COBLL1: variants seen among roughly 807,000 people sequenced by gnomAD.
The protein encoded by COBLL1 is cordon-bleu protein-like 1.
Under a neutral mutation model 94.8 loss-of-function variants are expected in COBLL1, and 50 were observed. That is an observed-to-expected ratio of 0.53 (90% CI 0.42 to 0.67). COBLL1 has a LOEUF of 0.67. COBLL1 is among the 30% of genes least tolerant of loss of function. COBLL1 has a pLI of 0.00. For synonymous variants in COBLL1, 448 were observed against 473.8 expected (o/e 0.95, Z 0.71); for missense variants, 1,362 against 1,348.7 (o/e 1.01, Z -0.15).
chr2:164,721,107 T>C (rs902764874), intron 7 of COBLL1, among the ~76,000 whole-genome samples: 1 of 152,242 alleles, frequency 6.6e-6, no homozygotes, highest in Non-Finnish European at 1.5e-5. Context: ...ATGGTTAATT[T>C]TTTTTAAGTA....
chr2:164,676,022 TATAA>T (rs1000358916), downstream of COBLL1, among the ~76,000 whole-genome samples: 11 of 152,216 alleles, frequency 7.2e-5, no homozygotes, highest in Admixed American at 1.3e-4. Flanking sequence ...AAAATAATTG[TATAA>T]ATAGAGTACA....
chr2:164,731,102 G>A (rs577638845), intron 3 of COBLL1, among the ~76,000 whole-genome samples: 134 of 152,228 alleles, frequency 8.8e-4, no homozygotes, highest in Non-Finnish European at 1.3e-3. Context: ...AGTCATGCCC[G>A]TTTGTTTATA....
intron 2 of COBLL1, among the ~76,000 whole-genome samples, chr2:164,826,729 C>A (rs1685444275): frequency 6.6e-6 from 1 of 152,166 alleles, no homozygotes; most frequent in Non-Finnish European, 1.5e-5. Flanking sequence ...GAAACCAAAA[C>A]TAATGCTGTT....
intron 9 of COBLL1, chr2:164,703,366 A>T: frequency 1.7e-6 from 1 of 596,630 alleles, no homozygotes; most frequent in Non-Finnish European, 3.0e-6. Context: ...GGAAAAAAAC[A>T]AATGAAGAAA....
chr2:164,735,825 T>C (rs1299076861), intron 3 of COBLL1, among the ~76,000 whole-genome samples: 2 of 152,214 alleles, frequency 1.3e-5, no homozygotes, highest in Non-Finnish European at 2.9e-5. Flanking sequence ...AAAAGATGCC[T>C]GTCTTCCTGT....
chr2:164,765,260 T>A (rs1045900293), intron 2 of COBLL1, among the ~76,000 whole-genome samples: 3 of 152,326 alleles, frequency 2.0e-5, no homozygotes, highest in African/African-American at 7.2e-5. Flanking sequence ...ACATTTAATA[T>A]GACTCTAACC....
At chr2:164,752,299 C>A (rs12470606) in intron 2 of COBLL1, among the ~76,000 whole-genome samples, 2,102 of 152,214 alleles carry the variant, frequency 0.014, 28 homozygotes, top group East Asian at 0.069. Context: ...AGGAACTTGC[C>A]TAAGGTTCCT....
At chr2:164,732,517 G>A (rs919155688) in intron 3 of COBLL1, among the ~76,000 whole-genome samples, 4 of 152,278 alleles carry the variant, frequency 2.6e-5, no homozygotes, top group Non-Finnish European at 5.9e-5. Context: ...ATTAGGTAAT[G>A]TCTAGTTATA....
chr2:164,729,306 G>T (rs920021475), intron 4 of COBLL1, among the ~76,000 whole-genome samples: 1 of 151,594 alleles, frequency 6.6e-6, no homozygotes, highest in Non-Finnish European at 1.5e-5. Context: ...TGTTCATAAT[G>T]AGAGTATTTC....
In COBLL1 at chr2:164,841,365, C is replaced by G. The variant is rs1683604592; in HGVS notation, c.-50-119G>C. The G allele has an allele frequency of 8.4e-7, 1 of 1,187,162 alleles. No individual in the cohort carries two copies. Among genetic ancestry groups the G allele is most frequent in the South Asian group, 4.3e-5 (1 of 23,394 alleles). The allele number at this position is 1,187,162 out of a possible 1,614,324, so 73.5% of individuals were successfully genotyped here. ...CTCCAGCCCCGGCCGGCCCGCCTCC[C>G]GGGTGCGCTTCCACCTGCGGGCCCC... is the stretch of plus-strand genomic sequence containing the variant. On this transcript the variant is annotated intron_variant, in intron 1 of 13. Transcript: ENST00000652658. The surrounding 1 kb of genome is among the most constrained non-coding windows in gnomAD (Gnocchi z 5.5).
chr2:164,708,659 T>C (rs1180283792), intron 7 of COBLL1, among the ~76,000 whole-genome samples: 1 of 152,180 alleles, frequency 6.6e-6, no homozygotes, highest in Admixed American at 6.5e-5. Context: ...CAGTAGAAGA[T>C]GTGATTTTAT....
At position 164,695,132 on chromosome 2, in the gene COBLL1, C is replaced by T; in HGVS notation, c.2260G>A (p.Glu754Lys). The T allele has an allele frequency of 7.4e-6, 12 of 1,613,894 alleles. No individual in the cohort carries two copies. The highest frequency in any genetic ancestry group is 1.0e-5 in the Non-Finnish European group (12 of 1,179,934). The part of the protein sequence containing the change: ...ISKDWQSETI[E>K]YKDDQDMHAL... ...TGCATGTCCTGATCATCTTTATACTCTATGGTTTCTGATTGCCAGTCTTTC... is the reference window on the plus strand; with the variant it reads ...TGCATGTCCTGATCATCTTTATACTTTATGGTTTCTGATTGCCAGTCTTTC... The change falls in exon 12 of 14, where the codon GAG (glutamate) becomes AAG (lysine). Residue 754 changes from glutamate (E) to lysine (K), a missense_variant. By Grantham distance (56) the Glu-to-Lys change is moderately conservative. Transcript: ENST00000652658.
chr2:164,821,417 G>A (rs1435043379), intron 2 of COBLL1, among the ~76,000 whole-genome samples: 1 of 152,160 alleles, frequency 6.6e-6, no homozygotes, highest in Non-Finnish European at 1.5e-5. Context: ...CTTACACATT[G>A]TTTATAATGT....
rs981809456 is a variant in COBLL1, at chr2:164,681,700, T to C, written c.*4246A>G. On this transcript the variant is annotated 3_prime_UTR_variant, in exon 14 of 14. Transcript: ENST00000652658. ...ACTGGGGAGCAAAAAAGTTGCTTCTTTTTGAAAACTATACATTTGTTTGCA... is the reference window on the plus strand; with the variant it reads ...ACTGGGGAGCAAAAAAGTTGCTTCTCTTTGAAAACTATACATTTGTTTGCA... The C allele has an allele frequency of 2.0e-5, 3 of 152,204 alleles. No individual in the cohort carries two copies. Among genetic ancestry groups the C allele is most frequent in the African/African-American group, 7.2e-5 (3 of 41,456 alleles). The allele number at this position is 152,204 out of a possible 1,614,324, so 9.4% of individuals were successfully genotyped here.
intron 4 of COBLL1, among the ~76,000 whole-genome samples, chr2:164,728,481 C>A (rs2105515783): frequency 6.6e-6 from 1 of 152,106 alleles, no homozygotes; most frequent in Non-Finnish European, 1.5e-5. Flanking sequence ...TAGTACTACT[C>A]ATGTTTTCAC....
rs1686723135 is a variant in COBLL1, at chr2:164,743,849, A to G, written c.68T>C (p.Leu23Pro). The G allele has an allele frequency of 1.3e-6, 2 of 1,567,706 alleles. No individual in the cohort carries two copies. The highest frequency in any genetic ancestry group is 4.6e-5 in the East Asian group (2 of 43,738). Residue 23 changes from leucine to proline, a missense_variant, in exon 3 of 14, where the codon CTT (leucine) becomes CCT (proline). Coordinates refer to ENST00000652658, the MANE Select transcript of COBLL1 (RefSeq NM_001365672.2). ...ARRKPKAKAP[L>P]PPAETKYTDV... ...AGTATATTTGGTCTCAGCTGGAGGA[A>G]GTGGTGCCTTGGCTTTTGGTTTTCT... is the stretch of plus-strand genomic sequence containing the variant.
chr2:164,668,147 A>G (rs193112233), intron 1 of COBLL1, among the ~76,000 whole-genome samples: 2 of 152,132 alleles, frequency 1.3e-5, no homozygotes, highest in East Asian at 3.9e-4. Context: ...TATTTTTTGT[A>G]GAGGTGGGGT....
Position 164,841,183 on chromosome 2 carries a change from G to A in COBLL1, c.14C>T (p.Thr5Ile), listed in dbSNP as rs902198595. ...GGCTGGGGCGTCCTGCGGGCGCGGG[G>A]TTCGGCCGTCCATCGCCCTGCGGGG... Reference protein sequence around the residue: MDGRTPRPQDAPARR... With the variant: MDGRIPRPQDAPARR... The change falls in exon 2 of 14, where the codon ACC (threonine) becomes ATC (isoleucine). Residue 5 changes from threonine to isoleucine, a missense_variant. Coordinates refer to ENST00000652658, the MANE Select transcript of COBLL1 (RefSeq NM_001365672.2). The surrounding 1 kb of genome is among the most constrained non-coding windows in gnomAD (Gnocchi z 5.5). 28 of 1,232,698 alleles carry A rather than the reference G, an allele frequency of 2.3e-5. No individual in the cohort carries two copies. Among genetic ancestry groups the A allele is most frequent in the South Asian group, 4.1e-5 (1 of 24,402 alleles). The allele number at this position is 1,232,698 out of a possible 1,614,324, so 76.4% of individuals were successfully genotyped here. A position where few individuals can be genotyped will look rare whatever the true frequency, so the allele number is the denominator to read the frequency against.
chr2:164,778,316 T>C (rs1052088176), intron 2 of COBLL1, among the ~76,000 whole-genome samples: 1 of 151,998 alleles, frequency 6.6e-6, no homozygotes, highest in Non-Finnish European at 1.5e-5. Context: ...CCAAAGAAAA[T>C]AACTTTCCAG....
Sources: gnomAD v4.1 joint callset for allele counts (sites outside exome capture counted in the v4.1 genomes callset) on GRCh38, gnomAD v4.1.1 for gene constraint, Gnocchi (gnomAD v3.1) non-coding constraint, MANE v1.5 for transcripts, NCBI Gene and HGNC (gene_info 2026-07-23, HGNC 2026-07-21) for gene names.